Variants in NDFIP2 observed in about 807,000 individuals in gnomAD.
The protein encoded by NDFIP2 is Nedd4 family interacting protein 2, also known as NEDD4 family-interacting protein 2.
In NDFIP2, 19 loss-of-function variants were observed where a neutral mutation model predicts 36.0. The ratio of observed to expected loss-of-function variants is 0.53; its 90% CI spans 0.37 to 0.77. NDFIP2 has a LOEUF of 0.77. NDFIP2 is among the 30% of genes least tolerant of loss of function. The pLI is 0.00. For synonymous variants in NDFIP2, 181 were observed against 167.7 expected, an observed-to-expected ratio of 1.08 and a Z score of -0.61; for missense variants, 446 against 435.8, an observed-to-expected ratio of 1.02 and a Z score of -0.21.
intron 2 of NDFIP2, among the ~76,000 whole-genome samples, chr13:79,526,317 T>C (rs1434020137): frequency 6.6e-6 from 1 of 152,170 alleles, no homozygotes; most frequent in East Asian, 1.9e-4. Context: ...ATATATCAAA[T>C]AGGCAGTCAA....
chr13:79,530,560 C>G (rs2137097789), intron 2 of NDFIP2, among the ~76,000 whole-genome samples: 1 of 152,324 alleles, frequency 6.6e-6, no homozygotes, highest in African/African-American at 2.4e-5. Context: ...AAACTGGAGT[C>G]AATTCTCTCA....
chr13:79,533,503 T>A (rs1468628892), intron 3 of NDFIP2, 47 bp downstream of exon 3: 1 of 1,512,390 alleles, frequency 6.6e-7, no homozygotes, highest in Admixed American at 2.2e-5. Context: ...TTTCGTTAAT[T>A]GATATATACA....
chr13:79,510,386 T>TG (rs1874038979), intron 1 of NDFIP2, among the ~76,000 whole-genome samples: 1 of 151,766 alleles, frequency 6.6e-6, no homozygotes, highest in African/African-American at 2.4e-5. Context: ...TTTTTTGTTT[T>TG]TTTTTTTTTG....
At chr13:79,525,209 C>T (rs1376409909) in intron 2 of NDFIP2, among the ~76,000 whole-genome samples, 1 of 152,212 alleles carries the variant, frequency 6.6e-6, no homozygotes, top group Non-Finnish European at 1.5e-5. Context: ...TCTGGTGCAA[C>T]ACATTGCCAT....
intron 2 of NDFIP2, among the ~76,000 whole-genome samples, chr13:79,527,282 T>A (rs1056893967): frequency 5.9e-5 from 9 of 152,232 alleles, no homozygotes; most frequent in Non-Finnish European, 1.0e-4. Flanking sequence ...GAAGGCTGTT[T>A]ACTGATATCA....
At chr13:79,507,592 T>A (rs1873918142) in intron 1 of NDFIP2, among the ~76,000 whole-genome samples, 1 of 148,212 alleles carries the variant, frequency 6.7e-6, no homozygotes, top group Admixed American at 6.8e-5. Context: ...AGTTTTTAGT[T>A]GTCTTGTTTT....
intron 6 of NDFIP2, among the ~76,000 whole-genome samples, chr13:79,550,089 A>G (rs1399235227): frequency 6.6e-6 from 1 of 151,738 alleles, no homozygotes; most frequent in South Asian, 2.1e-4. Flanking sequence ...CATACAGTAG[A>G]TATCTTCTGT....
intron 1 of NDFIP2, among the ~76,000 whole-genome samples, chr13:79,517,477 A>G (rs549493188): frequency 6.6e-6 from 1 of 152,308 alleles, no homozygotes; most frequent in African/African-American, 2.4e-5. Flanking sequence ...GGATTTGTTT[A>G]AAAGGCAGTC....
At chr13:79,495,492 G>C (rs1047289463) in intron 1 of NDFIP2, among the ~76,000 whole-genome samples, 2 of 151,810 alleles carry the variant, frequency 1.3e-5, no homozygotes, top group Non-Finnish European at 2.9e-5. Context: ...AATAATTGCA[G>C]TTTTTGCCAT....
At chr13:79,513,634 C>T (rs1447069221) in intron 1 of NDFIP2, among the ~76,000 whole-genome samples, 1 of 151,864 alleles carries the variant, frequency 6.6e-6, no homozygotes, top group African/African-American at 2.4e-5. Context: ...AGATAGACAA[C>T]CTTAGAGGAA....
chr13:79,495,994 T>C (rs1367280420), intron 1 of NDFIP2, among the ~76,000 whole-genome samples: 1 of 151,890 alleles, frequency 6.6e-6, no homozygotes, highest in African/African-American at 2.4e-5. Flanking sequence ...CTAATTTCAG[T>C]GTGATAGTTG....
intron 1 of NDFIP2, among the ~76,000 whole-genome samples, chr13:79,501,365 T>C (rs192547107): frequency 1.3e-5 from 2 of 152,048 alleles, no homozygotes; most frequent in East Asian, 3.9e-4. Flanking sequence ...GTATCACCGA[T>C]GGGGGATGTT....
intron 1 of NDFIP2, among the ~76,000 whole-genome samples, chr13:79,490,972 C>T (rs1371951433): frequency 1.3e-5 from 2 of 152,140 alleles, no homozygotes; most frequent in East Asian, 1.9e-4. Context: ...GTGTGATTGC[C>T]TCATTGAGGT....
chr13:79,548,112 T>TC (rs1348810160), intron 5 of NDFIP2, among the ~76,000 whole-genome samples: 3 of 152,094 alleles, frequency 2.0e-5, no homozygotes, highest in South Asian at 2.1e-4. Context: ...CTAAAAATAC[T>TC]CCAATTTTTT....
intron 1 of NDFIP2, among the ~76,000 whole-genome samples, chr13:79,485,491 G>A (rs1872935181): frequency 6.6e-6 from 1 of 152,172 alleles, no homozygotes; most frequent in Admixed American, 6.5e-5. Context: ...ATTTTCCACT[G>A]GAAAGAAGTG....
Position 79,512,459 on chromosome 13 carries a change from A to G in NDFIP2, c.322-8351A>G, listed in dbSNP as rs185900207. On this transcript the variant is annotated intron_variant, in intron 1 of 7. Coordinates refer to ENST00000218652, the MANE Select transcript of NDFIP2 (RefSeq NM_019080.3). ...TGGCACTGGCTTTTGAGGAAAAAAA[A>G]AAAGGCTTTATTGCAAAACTGGTAA... Among the ~76,000 whole-genome samples, 763 of 152,290 alleles carry G rather than the reference A, an allele frequency of 5.0e-3. 7 individuals are homozygous for G. The highest frequency in any genetic ancestry group is 0.017 in the African/African-American group (712 of 41,564).
At chr13:79,552,362 C>T (rs1269679041) in intron 7 of NDFIP2, among the ~76,000 whole-genome samples, 154 bp from the exon 8 acceptor site, 2 of 151,242 alleles carry the variant, frequency 1.3e-5, no homozygotes, top group Non-Finnish European at 3.0e-5. Context: ...GCTATAGAAG[C>T]CTTACACTTT....
At chr13:79,500,368 A>C (rs1873610752) in intron 1 of NDFIP2, among the ~76,000 whole-genome samples, 1 of 152,038 alleles carries the variant, frequency 6.6e-6, no homozygotes, top group Non-Finnish European at 1.5e-5. Flanking sequence ...CATTACAATT[A>C]AAAATTTCTG....
intron 3 of NDFIP2, among the ~76,000 whole-genome samples, chr13:79,538,106 GCACT>G (rs1875313221): frequency 6.6e-6 from 1 of 152,014 alleles, no homozygotes; most frequent in South Asian, 2.1e-4. Flanking sequence ...AAACAATAAT[GCACT>G]CACTCACTCT....
Sources: gnomAD v4.1 joint callset for allele counts (sites outside exome capture counted in the v4.1 genomes callset) on GRCh38, gnomAD v4.1.1 for gene constraint, MANE v1.5 for transcripts, NCBI Gene and HGNC (gene_info 2026-07-23, HGNC 2026-07-21) for gene names.